The following SMYD3 variants were observed in gnomAD, a reference collection of about 807,000 sequenced individuals.
The protein encoded by SMYD3 is histone-lysine N-methyltransferase SMYD3.
In SMYD3, 36 loss-of-function variants were observed where a neutral mutation model predicts 57.7. That is an observed-to-expected ratio of 0.62 (90% confidence interval 0.48 to 0.82). The LOEUF (loss-of-function observed/expected upper bound fraction) is 0.82. SMYD3 is among the 40% of genes least tolerant of loss of function. The pLI is 0.00. For synonymous variants in SMYD3, 211 were observed against 195.0 expected (o/e 1.08, Z -0.68); for missense variants, 515 against 538.8 (o/e 0.96, Z 0.44).
chr1:245,888,519 A>G (rs1343207156), intron 8 of SMYD3, among the ~76,000 whole-genome samples: 1 of 152,154 alleles, frequency 6.6e-6, no homozygotes, highest in African/African-American at 2.4e-5. Flanking sequence ...GAATTATGAT[A>G]CTTGTATTTT....
intron 5 of SMYD3, among the ~76,000 whole-genome samples, chr1:246,179,358 G>T (rs765667677): frequency 2.2e-4 from 33 of 152,172 alleles, no homozygotes; most frequent in Non-Finnish European, 1.5e-4. Flanking sequence ...GTGATGAGGG[G>T]TCCTGATCTC....
chr1:246,459,704 T>C (rs780232643), intron 1 of SMYD3, among the ~76,000 whole-genome samples: 1 of 152,190 alleles, frequency 6.6e-6, no homozygotes, highest in African/African-American at 2.4e-5. Flanking sequence ...AACAGACTAA[T>C]ACAGGTATCT....
At chr1:245,868,456 A>ATAGAACCCACAGC (rs1312944510) in intron 8 of SMYD3, among the ~76,000 whole-genome samples, 44 of 152,124 alleles carry the variant, frequency 2.9e-4, no homozygotes, top group African/African-American at 1.0e-3. Context: ...ATCCTCCAAC[A>ATAGAACCCACAGC]TAGAACCCAC....
At chr1:246,054,719 T>G (rs945969487) in intron 5 of SMYD3, among the ~76,000 whole-genome samples, 11 of 151,086 alleles carry the variant, frequency 7.3e-5, no homozygotes, top group Non-Finnish European at 1.6e-4. Context: ...TGGGGGTGGG[T>G]GAGGGATAGA....
chr1:246,245,158 T>C (rs1450388681), intron 5 of SMYD3, among the ~76,000 whole-genome samples: 2 of 144,720 alleles, frequency 1.4e-5, no homozygotes, highest in African/African-American at 5.1e-5. Flanking sequence ...ATTTCCAAGA[T>C]GAAGTTTAAA....
intron 5 of SMYD3, among the ~76,000 whole-genome samples, chr1:246,227,523 G>C (rs1397003150): frequency 6.6e-6 from 1 of 152,172 alleles, no homozygotes; most frequent in Non-Finnish European, 1.5e-5. Context: ...GCTGAGGCAG[G>C]AGAATCACTT....
intron 1 of SMYD3, among the ~76,000 whole-genome samples, chr1:246,373,574 C>T (rs1446694656): frequency 2.0e-5 from 3 of 152,058 alleles, no homozygotes; most frequent in Admixed American, 1.3e-4. Flanking sequence ...ATACAAAAAT[C>T]TAATAGTTCT....
intron 1 of SMYD3, among the ~76,000 whole-genome samples, chr1:246,499,163 A>G (rs1037439412): frequency 1.3e-5 from 2 of 150,964 alleles, no homozygotes; most frequent in African/African-American, 4.9e-5. Flanking sequence ...CGTTGTTTTA[A>G]AAAATACACA....
chr1:246,383,920 C>T (rs915133288), intron 1 of SMYD3, among the ~76,000 whole-genome samples: 1 of 152,016 alleles, frequency 6.6e-6, no homozygotes, highest in Non-Finnish European at 1.5e-5. Context: ...AGAGGAAGTG[C>T]AAGATAAACA....
At chr1:245,910,799 A>G (rs567583239) in intron 8 of SMYD3, among the ~76,000 whole-genome samples, 3 of 152,284 alleles carry the variant, frequency 2.0e-5, no homozygotes, top group South Asian at 4.1e-4. Flanking sequence ...TGAAACTACT[A>G]TAAGAAAACA....
At chr1:246,167,285 TTG>T (rs1232588651) in intron 5 of SMYD3, among the ~76,000 whole-genome samples, 1 of 152,186 alleles carries the variant, frequency 6.6e-6, no homozygotes, top group African/African-American at 2.4e-5. Context: ...TTCCATTCTT[TTG>T]TGTGTGTATA....
At chr1:245,947,497 T>C in intron 5 of SMYD3, 1 of 449,924 alleles carries the variant, frequency 2.2e-6, no homozygotes, top group Non-Finnish European at 4.5e-6. Flanking sequence ...AGGGATTCAG[T>C]TGCTTTATGT....
At chr1:245,861,307 A>C (rs2051533286) in intron 9 of SMYD3, among the ~76,000 whole-genome samples, 1 of 152,188 alleles carries the variant, frequency 6.6e-6, no homozygotes, top group African/African-American at 2.4e-5. Flanking sequence ...AGGGCTGGAG[A>C]GTGCACCCAA....
chr1:246,148,026 G>A lies in SMYD3; in HGVS notation c.531+179175C>T, dbSNP rs533434640. On this transcript the variant is annotated intron_variant, in intron 5 of 11. Coordinates refer to ENST00000490107, the MANE Select transcript of SMYD3 (RefSeq NM_001167740.2). ...GGTTGGGGCCGAGCCCGGGGCAGCA[G>A]GAGGCAGAGAGATTCCTGGGTGGAA... Among the ~76,000 whole-genome samples, 14 of 152,120 alleles carry A rather than the reference G, an allele frequency of 9.2e-5. No homozygotes were observed. In the East Asian group the frequency reaches 2.1e-3, roughly 23 times the overall value.
At chr1:245,978,208 T>A (rs2058498935) in intron 5 of SMYD3, among the ~76,000 whole-genome samples, 2 of 152,222 alleles carry the variant, frequency 1.3e-5, no homozygotes, top group Admixed American at 1.3e-4. Flanking sequence ...CTAGTTCTAC[T>A]ATTTATGCTG....
intron 5 of SMYD3, among the ~76,000 whole-genome samples, chr1:246,301,736 T>C (rs1214246731): frequency 6.6e-6 from 1 of 152,198 alleles, no homozygotes; most frequent in Non-Finnish European, 1.5e-5. Context: ...GTGTCTTTTT[T>C]ATCTTTCTAT....
At chr1:245,913,452 G>T (rs1425533883) in intron 8 of SMYD3, among the ~76,000 whole-genome samples, 1 of 151,500 alleles carries the variant, frequency 6.6e-6, no homozygotes, top group African/African-American at 2.4e-5. Flanking sequence ...CATGGCACAT[G>T]TATACATATG....
At chr1:246,456,696 G>A (rs1331562712) in intron 1 of SMYD3, among the ~76,000 whole-genome samples, 2 of 152,192 alleles carry the variant, frequency 1.3e-5, no homozygotes, top group Admixed American at 6.5e-5. Flanking sequence ...AATATGCGAA[G>A]AACCCACAAA....
Position 246,173,463 on chromosome 1 carries a change from C to A in SMYD3, c.531+153738G>T, listed in dbSNP as rs541490320. On this transcript the variant is annotated intron_variant, in intron 5 of 11. Transcript: ENST00000490107. Reference sequence around the variant, plus strand: ...TTTTTACTTTATAAACTTTTTTTAACCTTTTGACTCTTGTAATAATACTTA... The same window carrying A: ...TTTTTACTTTATAAACTTTTTTTAAACTTTTGACTCTTGTAATAATACTTA... Among the ~76,000 whole-genome samples the A allele has an allele frequency of 2.7e-3, 409 of 152,270 alleles. 3 individuals are homozygous for A. Among genetic ancestry groups the A allele is most frequent in the Non-Finnish European group, 4.2e-3 (288 of 68,010 alleles).
Sources: allele counts gnomAD v4.1 joint callset (sites outside exome capture counted in the v4.1 genomes callset), GRCh38; gene constraint gnomAD v4.1.1; transcripts MANE v1.5; gene names NCBI Gene and HGNC (gene_info 2026-07-23, HGNC 2026-07-21).